Variants in CEP89 observed in about 807,000 individuals in gnomAD.
CEP89 encodes the protein centrosomal protein 89, also known as centrosomal protein of 89 kDa.
In CEP89, 95 loss-of-function variants were observed where a neutral mutation model predicts 97.6. That is an observed-to-expected ratio of 0.97 (90% CI 0.82 to 1.15). The LOEUF is 1.15. Ranked by LOEUF, CEP89 falls within the 50% of genes most tolerant of loss-of-function variation. The pLI is 0.00. For missense variants in CEP89, 869 were observed against 947.7 expected, an observed-to-expected ratio of 0.92 and a Z score of 1.09; for synonymous variants, 354 against 349.1, an observed-to-expected ratio of 1.01 and a Z score of -0.16.
rs769912477 is a variant in CEP89, at chr19:32,948,363, T to C, written c.498A>G (p.Pro166=). 33 of 1,598,580 alleles carry C rather than the reference T, an allele frequency of 2.1e-5. 1 individual carries two copies. In the South Asian group the frequency reaches 3.7e-4, roughly 18 times the overall value. ...LYAVPHRNQV[P]LLHEVNSEDD... is the part of the protein sequence containing the mutation. ...CTTCACTGTTCACCTCATGTAACAA[T>C]GGCACCTTTTTGTTATAAAAGACAA... The change falls in exon 5 of 19, where the codon CCA becomes CCG. Residue 166 remains proline, a synonymous_variant. Coordinates refer to ENST00000305768, the MANE Select transcript of CEP89 (RefSeq NM_032816.5).
At chr19:32,951,534 T>TATATATACACACACAC (rs1407110112) in intron 4 of CEP89, among the ~76,000 whole-genome samples, 65 of 122,028 alleles carry the variant, frequency 5.3e-4, no homozygotes, top group Middle Eastern at 4.1e-3. Context: ...TATATATATA[T>TATATATACACACACAC]ACACACACAC....
chr19:32,898,806 C>T (rs1045791988), intron 16 of CEP89, among the ~76,000 whole-genome samples: 1 of 149,228 alleles, frequency 6.7e-6, no homozygotes, highest in Non-Finnish European at 1.5e-5. Context: ...GTCTTGAACC[C>T]AGGAAGCGGA....
chr19:32,960,563 A>G (rs1270453086), intron 2 of CEP89, among the ~76,000 whole-genome samples: 1 of 152,152 alleles, frequency 6.6e-6, no homozygotes, highest in African/African-American at 2.4e-5. Flanking sequence ...TAATCCCAGC[A>G]CTTTGGGAGG....
intron 12 of CEP89, among the ~76,000 whole-genome samples, chr19:32,922,933 T>A (rs565284742): frequency 6.6e-6 from 1 of 151,352 alleles, no homozygotes; most frequent in East Asian, 1.9e-4. Flanking sequence ...GCCATTACAG[T>A]AGGACCCTAG....
At chr19:32,920,235 T>C (rs1476084463) in intron 12 of CEP89, among the ~76,000 whole-genome samples, 1 of 151,916 alleles carries the variant, frequency 6.6e-6, no homozygotes, top group Non-Finnish European at 1.5e-5. Context: ...GTTTTTGTTT[T>C]TTTGAGACAA....
At chr19:32,931,087 G>A (rs1296032930) in intron 9 of CEP89, 2 of 330,952 alleles carry the variant, frequency 6.0e-6, no homozygotes, top group East Asian at 4.6e-5. Context: ...AGACTGTCTC[G>A]CCATGTCCCC....
intron 5 of CEP89, among the ~76,000 whole-genome samples, chr19:32,943,617 C>T (rs1323019037): frequency 2.0e-5 from 3 of 151,584 alleles, no homozygotes; most frequent in Admixed American, 6.6e-5. Flanking sequence ...AGAGCAAGAT[C>T]CTGTCTCAAA....
intron 3 of CEP89, among the ~76,000 whole-genome samples, chr19:32,955,638 C>T (rs1313015417): frequency 1.3e-5 from 2 of 151,792 alleles, no homozygotes; most frequent in African/African-American, 2.4e-5. Context: ...CTCAGCCTCC[C>T]GAGTAGCTGG....
intron 1 of CEP89, chr19:32,969,163 T>A (rs1971345942): frequency 6.6e-6 from 1 of 152,178 alleles, no homozygotes; most frequent in Admixed American, 6.5e-5. Flanking sequence ...CTCCTCTCTG[T>A]AGCTGGTCAC....
chr19:32,942,923 G>A (rs539171277), intron 5 of CEP89, among the ~76,000 whole-genome samples: 4 of 149,790 alleles, frequency 2.7e-5, no homozygotes, highest in African/African-American at 5.0e-5. Flanking sequence ...AAACTGCACT[G>A]CAGCCTCAAC....
chr19:32,881,462 G>A (rs565640921), intron 18 of CEP89, among the ~76,000 whole-genome samples: 13 of 151,462 alleles, frequency 8.6e-5, no homozygotes, highest in East Asian at 5.8e-4. Flanking sequence ...TCCGGGAGGC[G>A]GAGGTTGCAG....
chr19:32,936,095 G>A lies in CEP89; in HGVS notation c.667+1536C>T, dbSNP rs1970575201. 6.6e-6 allele frequency among the ~76,000 whole-genome samples: 1 copy of A among 152,134 alleles called. No individual in the cohort carries two copies. Among genetic ancestry groups the A allele is most frequent in the South Asian group, 2.1e-4 (1 of 4,828 alleles). ...TGCAGTCTGCACCCTCGGGGGCCTG[G>A]GAAGGCTCCCGTGTCCCCGCAGGCT... On this transcript the variant is annotated intron_variant, in intron 7 of 18. Coordinates refer to ENST00000305768, the MANE Select transcript of CEP89 (RefSeq NM_032816.5). This position sits in a 1 kb window ranked among gnomAD's most constrained non-coding sequence, Gnocchi z 4.5.
At chr19:32,885,820 G>A (rs188065181) in intron 17 of CEP89, among the ~76,000 whole-genome samples, 1 of 152,128 alleles carries the variant, frequency 6.6e-6, no homozygotes, top group Non-Finnish European at 1.5e-5. Flanking sequence ...CTAGAAGTCA[G>A]TCTCTTAGAT....
chr19:32,958,006 A>C (rs1484520279), intron 3 of CEP89, among the ~76,000 whole-genome samples: 1 of 123,338 alleles, frequency 8.1e-6, no homozygotes, highest in Non-Finnish European at 1.7e-5. Context: ...AAAACAAAAC[A>C]AAAAAATCCC....
intron 11 of CEP89, among the ~76,000 whole-genome samples, chr19:32,925,866 C>T (rs1443300735): frequency 2.0e-5 from 3 of 152,204 alleles, no homozygotes; most frequent in African/African-American, 7.2e-5. Flanking sequence ...GTCTTCCCTG[C>T]ACCCCAAGAT....
chr19:32,930,805 G>C (rs1970456965), intron 9 of CEP89, among the ~76,000 whole-genome samples: 1 of 152,182 alleles, frequency 6.6e-6, no homozygotes, highest in Non-Finnish European at 1.5e-5. Flanking sequence ...CGAAGTTAAT[G>C]CACTGACAAC....
chr19:32,963,143 G>A (rs1204677374), intron 2 of CEP89, among the ~76,000 whole-genome samples: 3 of 152,122 alleles, frequency 2.0e-5, no homozygotes, highest in Admixed American at 2.0e-4. Context: ...ATCACTTAAG[G>A]TCAGGAGTTT....
chr19:32,960,047 G>T lies in CEP89; in HGVS notation c.158C>A (p.Ala53Glu). The T allele has an allele frequency of 1.9e-6, 3 of 1,614,182 alleles. No homozygotes were observed. Among genetic ancestry groups the T allele is most frequent in the Non-Finnish European group, 2.5e-6 (3 of 1,180,028 alleles). Reference sequence around the variant, plus strand: ...CAATGTTGTCGCCAGAATGGCTGCTGCCAGAGCAGATCTGCGGACAAAAAC... The same window carrying T: ...CAATGTTGTCGCCAGAATGGCTGCTTCCAGAGCAGATCTGCGGACAAAAAC... ...PSPERPRSALAAAILATTLTG... is the reference protein window; with the variant it reads ...PSPERPRSALEAAILATTLTG... The change falls in exon 3 of 19, where the codon GCA becomes GAA. Residue 53 changes from alanine to glutamate, a missense_variant. By Grantham distance (107) the Ala-to-Glu change is moderately radical. Transcript: ENST00000305768.
chr19:32,931,966 G>A (rs1970484921), intron 8 of CEP89, among the ~76,000 whole-genome samples: 1 of 152,174 alleles, frequency 6.6e-6, no homozygotes, highest in Admixed American at 6.5e-5. Flanking sequence ...TGGATCACGA[G>A]GTGAGGAGAT....
Sources: allele counts gnomAD v4.1 joint callset (sites outside exome capture counted in the v4.1 genomes callset), GRCh38; gene constraint gnomAD v4.1.1; non-coding constraint Gnocchi (gnomAD v3.1); transcripts MANE v1.5; gene names NCBI Gene and HGNC (gene_info 2026-07-23, HGNC 2026-07-21).